RGS6: variants seen among roughly 807,000 people sequenced by gnomAD.
RGS6 encodes the protein regulator of G-protein signaling 6.
Under a neutral mutation model 78.5 loss-of-function variants are expected in RGS6, and 30 were observed. The ratio of observed to expected loss-of-function variants is 0.38; its 90% CI spans 0.29 to 0.52. The LOEUF (loss-of-function observed/expected upper bound fraction) is 0.52. RGS6 is among the 20% of genes least tolerant of loss of function. RGS6 has a pLI of 0.85. For synonymous variants in RGS6, 206 were observed against 206.0 expected (o/e 1.00, Z 0.00); for missense variants, 495 against 609.7 (o/e 0.81, Z 1.98).
Position 72,186,735 on chromosome 14 carries a change from G to A in RGS6, c.85-165360G>A, listed in dbSNP as rs116747724. Among the ~76,000 whole-genome samples the A allele has an allele frequency of 3.0e-3, 458 of 151,928 alleles. 2 individuals are homozygous for A. The highest frequency in any genetic ancestry group is 0.011 in the African/African-American group (447 of 41,406). ...TTTTTTTCATTTTCTTGCAAAAATA[G>A]CAGGCTTGTCCAAGTGCCTAGCTAC... is the stretch of plus-strand genomic sequence containing the variant. On this transcript the variant is annotated intron_variant, in intron 2 of 17. Transcript: ENST00000553525.
Position 72,387,009 on chromosome 14 carries a change from G to A in RGS6, c.184+34815G>A, listed in dbSNP as rs144851140. ...CCTGATGGTGAGGGTGGTTTACACAGCTGTATACGGTTACCAACACTCATC... is the reference window on the plus strand; with the variant it reads ...CCTGATGGTGAGGGTGGTTTACACAACTGTATACGGTTACCAACACTCATC... On this transcript the variant is annotated intron_variant, in intron 3 of 17. Coordinates refer to ENST00000553525, the MANE Select transcript of RGS6 (RefSeq NM_001204424.2). Among the ~76,000 whole-genome samples, 581 of 152,244 alleles carry A rather than the reference G, an allele frequency of 3.8e-3. 2 individuals carry two copies. The highest frequency in any genetic ancestry group is 0.013 in the African/African-American group (549 of 41,542).
intron 3 of RGS6, among the ~76,000 whole-genome samples, chr14:72,433,254 G>A (rs2153172985): frequency 6.6e-6 from 1 of 152,080 alleles, no homozygotes; most frequent in East Asian, 1.9e-4. Flanking sequence ...TAGGCAGCTT[G>A]GAGACTGGCC....
chr14:72,133,632 G>A (rs74060673), intron 2 of RGS6, among the ~76,000 whole-genome samples: 9,594 of 152,020 alleles, frequency 0.063, 364 homozygotes, highest in African/African-American at 0.097. Flanking sequence ...CTTGCCATTT[G>A]GAGGATGGGA....
intron 17 of RGS6, among the ~76,000 whole-genome samples, chr14:72,554,746 A>G (rs895836327): frequency 2.0e-5 from 3 of 152,126 alleles, no homozygotes; most frequent in African/African-American, 7.2e-5. Context: ...GAGAGGAGGG[A>G]GAGAAGAGAG....
At chr14:72,560,490 C>T (rs1015730265) in intron 17 of RGS6, among the ~76,000 whole-genome samples, 12 of 152,202 alleles carry the variant, frequency 7.9e-5, no homozygotes, top group African/African-American at 2.7e-4. Flanking sequence ...TGACAAATGC[C>T]TCACACTCTA....
chr14:72,257,932 CTAAG>C (rs1273538871), intron 2 of RGS6, among the ~76,000 whole-genome samples: 2 of 152,188 alleles, frequency 1.3e-5, no homozygotes, highest in Non-Finnish European at 2.9e-5. Context: ...AGAAAAGAAA[CTAAG>C]AATAAAAACA....
chr14:71,895,495 A>G, the RGS6 span, among the ~76,000 whole-genome samples: 17 of 152,160 alleles, frequency 1.1e-4, no homozygotes, highest in Non-Finnish European at 2.4e-4. Flanking sequence ...CCTCGACTGT[A>G]TATTTTTTAA....
chr14:72,458,458 C>A, intron 5 of RGS6, 81 bp downstream of exon 5: 1 of 1,112,704 alleles, frequency 9.0e-7, no homozygotes, highest in Non-Finnish European at 1.3e-6. Context: ...CAAAGAAAAC[C>A]TAGGGATATC....
rs1382269169 is a variant in RGS6 at position 72,118,509 on chromosome 14, C to G, written c.84+153634C>G. ...AAATGATTTACTTTCATATTGGATACCATTTGAATATACCCAGCTGTCTGC... is the reference window on the plus strand; with the variant it reads ...AAATGATTTACTTTCATATTGGATAGCATTTGAATATACCCAGCTGTCTGC... On this transcript the variant is annotated intron_variant, in intron 2 of 17. Coordinates refer to ENST00000553525, the MANE Select transcript of RGS6 (RefSeq NM_001204424.2). Among the ~76,000 whole-genome samples the G allele has an allele frequency of 7.2e-5, 11 of 152,238 alleles. No individual in the cohort carries two copies. The East Asian group carries it at 2.1e-3, about 29-fold the overall frequency.
intron 2 of RGS6, among the ~76,000 whole-genome samples, chr14:72,187,279 T>A (rs769587074): frequency 3.3e-5 from 5 of 152,262 alleles, no homozygotes; most frequent in Non-Finnish European, 7.3e-5. Context: ...TGGCTGTGTA[T>A]AACTACTCAT....
At chr14:72,626,456 G>C in the RGS6 span, among the ~76,000 whole-genome samples, 2 of 151,794 alleles carry the variant, frequency 1.3e-5, no homozygotes, top group South Asian at 4.2e-4. Flanking sequence ...ATTTTACTTT[G>C]CTTTTTTACT....
intron 12 of RGS6, among the ~76,000 whole-genome samples, chr14:72,481,761 G>A (rs1394186596): frequency 6.6e-6 from 1 of 150,466 alleles, no homozygotes; most frequent in Non-Finnish European, 1.5e-5. Flanking sequence ...ACACATGAGT[G>A]TCTCAGATAA....
intron 2 of RGS6, among the ~76,000 whole-genome samples, chr14:72,064,424 A>G (rs1003116993): frequency 2.0e-5 from 3 of 152,154 alleles, no homozygotes; most frequent in African/African-American, 4.8e-5. Context: ...AAAATTACTT[A>G]CTTTTGCTGC....
At chr14:72,272,644 T>C (rs758391925) in intron 2 of RGS6, among the ~76,000 whole-genome samples, 8 of 152,222 alleles carry the variant, frequency 5.3e-5, no homozygotes, top group Non-Finnish European at 1.2e-4. Flanking sequence ...TTTATTTCTC[T>C]CTTGGGCCCA....
At chr14:72,241,839 C>T (rs539231705) in intron 2 of RGS6, among the ~76,000 whole-genome samples, 85 of 152,286 alleles carry the variant, frequency 5.6e-4, no homozygotes, top group African/African-American at 1.8e-3. Flanking sequence ...CAGGAAATGA[C>T]GCCAATTTCC....
intron 17 of RGS6, among the ~76,000 whole-genome samples, chr14:72,554,301 T>TG (rs765724759): frequency 1.3e-5 from 2 of 152,154 alleles, no homozygotes; most frequent in Non-Finnish European, 2.9e-5. Context: ...CTCAGGAGGA[T>TG]GGGGTCAGAG....
At chr14:72,042,574 A>C (rs1042628397) in intron 2 of RGS6, among the ~76,000 whole-genome samples, 54 of 152,138 alleles carry the variant, frequency 3.5e-4, no homozygotes, top group Non-Finnish European at 1.0e-4. Context: ...AATGTATTCA[A>C]AATTATGTAT....
At position 71,938,830 on chromosome 14, in the gene RGS6, A is replaced by G. The variant is rs185105244; in HGVS notation, c.-21+5889A>G. Among the ~76,000 whole-genome samples the G allele has an allele frequency of 4.4e-4, 67 of 152,330 alleles. No homozygotes were observed. In the East Asian group the frequency reaches 0.01, roughly 24 times the overall value. ...AAACGTTCAGTTTCCACCAAAGCCC[A>G]GTAATAGGCCAAGAGCTGTCTCTCA... On this transcript the variant is annotated intron_variant, in intron 1 of 17. Coordinates refer to ENST00000553525, the MANE Select transcript of RGS6 (RefSeq NM_001204424.2).
intron 3 of RGS6, among the ~76,000 whole-genome samples, chr14:72,397,462 G>T (rs1459545855): frequency 6.6e-6 from 1 of 151,666 alleles, no homozygotes; most frequent in African/African-American, 2.4e-5. Context: ...GAGACGATGG[G>T]GTTTTCTAGA....
Sources: allele counts gnomAD v4.1 joint callset (sites outside exome capture counted in the v4.1 genomes callset), GRCh38; gene constraint gnomAD v4.1.1; transcripts MANE v1.5; gene names NCBI Gene and HGNC (gene_info 2026-07-23, HGNC 2026-07-21).